Variants in FBXL7 observed in about 807,000 individuals in gnomAD.
The protein encoded by FBXL7 is F-box/LRR-repeat protein 7.
FBXL7 carries 12 observed loss-of-function variants against 38.3 expected under a neutral mutation model. The ratio of observed to expected loss-of-function variants is 0.31; its 90% CI spans 0.20 to 0.51. FBXL7 has a LOEUF of 0.51. Among genes scored for constraint, FBXL7 ranks in the 20% least tolerant of loss-of-function variants. FBXL7 has a pLI of 0.98. For missense variants in FBXL7, 567 were observed against 676.4 expected (o/e 0.84, Z 1.79); for synonymous variants, 297 against 300.9 (o/e 0.99, Z 0.13).
rs372922519 is a variant in FBXL7, at chr5:15,936,793, C to G, written c.1083C>G (p.Gly361=). Residue 361 remains glycine, a synonymous_variant, in exon 4 of 4, where the codon GGC becomes GGG. Transcript: ENST00000504595. This position sits in a 1 kb window ranked among gnomAD's most constrained non-coding sequence, Gnocchi z 6.0. ...RLRYLSIAHC[G]RVTDVGIRYV... Reference sequence around the variant, plus strand: ...GGTACCTGAGCATCGCGCACTGCGGCCGGGTCACCGACGTGGGCATCCGCT... The same window carrying G: ...GGTACCTGAGCATCGCGCACTGCGGGCGGGTCACCGACGTGGGCATCCGCT... The G allele has an allele frequency of 6.2e-7, 1 of 1,612,226 alleles. No homozygotes were observed. Among genetic ancestry groups the G allele is most frequent in the Non-Finnish European group, 8.5e-7 (1 of 1,179,470 alleles).
At chr5:15,812,041 T>G (rs959369453) in intron 2 of FBXL7, among the ~76,000 whole-genome samples, 3 of 152,180 alleles carry the variant, frequency 2.0e-5, no homozygotes, top group African/African-American at 7.2e-5. Context: ...TGCACACATA[T>G]GTTTATTGCA....
intron 1 of FBXL7, among the ~76,000 whole-genome samples, chr5:15,592,427 C>CAT (rs1739507739): frequency 6.6e-6 from 1 of 152,086 alleles, no homozygotes; most frequent in Non-Finnish European, 1.5e-5. Flanking sequence ...GAGCTTAGCC[C>CAT]ATAAGCTCAT....
intron 1 of FBXL7, among the ~76,000 whole-genome samples, chr5:15,615,060 T>C (rs1270522318): frequency 6.6e-6 from 1 of 152,192 alleles, no homozygotes; most frequent in Non-Finnish European, 1.5e-5. Context: ...ATGGATACCA[T>C]GAGGGCGTCT....
At chr5:15,556,732 T>C (rs1416573124) in intron 1 of FBXL7, among the ~76,000 whole-genome samples, 2 of 152,212 alleles carry the variant, frequency 1.3e-5, no homozygotes, top group Non-Finnish European at 2.9e-5. Flanking sequence ...TGCCAATCTC[T>C]CAATAAATCA....
chr5:15,778,871 C>A (rs1358729039), intron 2 of FBXL7, among the ~76,000 whole-genome samples: 1 of 152,072 alleles, frequency 6.6e-6, no homozygotes, highest in Admixed American at 6.6e-5. Context: ...AAAGGATAAT[C>A]TTGCTAGGGA....
At chr5:15,900,297 C>T (rs1358728583) in intron 2 of FBXL7, among the ~76,000 whole-genome samples, 1 of 152,124 alleles carries the variant, frequency 6.6e-6, no homozygotes. Flanking sequence ...CACCACATTC[C>T]TCAATACTAA....
In FBXL7 at chr5:15,657,297, AACTTTAGTAGGCTGTTTGCCCT is replaced by A. The variant is rs546993090; in HGVS notation, c.127+41252_127+41273del. On this transcript the variant is annotated intron_variant, in intron 2 of 3. Transcript: ENST00000504595. ...AAAATGTTGCCCTACTTTAGTAGGC[AACTTTAGTAGGCTGTTTGCCCT>A]ACTTTAGTAGGCTGTTTGCCCTACT... Among the ~76,000 whole-genome samples the A allele has an allele frequency of 5.1e-3, 771 of 152,286 alleles. 4 individuals carry two copies. Among genetic ancestry groups the A allele is most frequent in the African/African-American group, 0.017 (695 of 41,566 alleles).
intron 2 of FBXL7, among the ~76,000 whole-genome samples, chr5:15,784,321 T>C (rs949989789): frequency 1.3e-5 from 2 of 152,148 alleles, no homozygotes; most frequent in African/African-American, 4.8e-5. Context: ...GTTAAATATA[T>C]GCTGTTAGGT....
intron 1 of FBXL7, among the ~76,000 whole-genome samples, chr5:15,551,252 G>A (rs1379918985): frequency 1.3e-5 from 2 of 152,172 alleles, no homozygotes; most frequent in African/African-American, 2.4e-5. Context: ...TTCTCAGAAC[G>A]TGTACTTGAC....
intron 2 of FBXL7, among the ~76,000 whole-genome samples, chr5:15,866,620 G>A (rs749443365): frequency 2.0e-5 from 3 of 151,958 alleles, no homozygotes; most frequent in Non-Finnish European, 4.4e-5. Context: ...TGCCATGGTG[G>A]TTTGCCGCAC....
intron 1 of FBXL7, among the ~76,000 whole-genome samples, chr5:15,600,867 G>A (rs1190015798): frequency 6.6e-6 from 1 of 152,150 alleles, no homozygotes; most frequent in African/African-American, 2.4e-5. Context: ...AAGGCACAAA[G>A]GTCTGTAACT....
chr5:15,585,479 T>C (rs1739273356), intron 1 of FBXL7, among the ~76,000 whole-genome samples: 1 of 152,232 alleles, frequency 6.6e-6, no homozygotes, highest in Non-Finnish European at 1.5e-5. Context: ...CCGTTCAAAA[T>C]TAAAAGTTAA....
intron 2 of FBXL7, among the ~76,000 whole-genome samples, chr5:15,622,005 G>T (rs1209342033): frequency 1.3e-5 from 2 of 152,124 alleles, no homozygotes; most frequent in East Asian, 1.9e-4. Flanking sequence ...AACAGTTATT[G>T]TCAAGGAACA....
intron 1 of FBXL7, among the ~76,000 whole-genome samples, chr5:15,524,498 T>C (rs1382154375): frequency 6.6e-6 from 1 of 152,220 alleles, no homozygotes; most frequent in African/African-American, 2.4e-5. Context: ...ATTGCATATC[T>C]GTGTGTGTAA....
chr5:15,776,063 G>T (rs1194270415), intron 2 of FBXL7, among the ~76,000 whole-genome samples: 1 of 151,900 alleles, frequency 6.6e-6, no homozygotes, highest in African/African-American at 2.4e-5. Flanking sequence ...CCAAAGTTTT[G>T]TTCTTATTTT....
intron 1 of FBXL7, among the ~76,000 whole-genome samples, chr5:15,505,777 G>A (rs1221448000): frequency 6.6e-6 from 1 of 152,116 alleles, no homozygotes; most frequent in Admixed American, 6.5e-5. Flanking sequence ...GAGGATCCAG[G>A]TAGCATGCTG....
At chr5:15,802,535 C>T (rs922586342) in intron 2 of FBXL7, among the ~76,000 whole-genome samples, 31 of 152,152 alleles carry the variant, frequency 2.0e-4, no homozygotes, top group African/African-American at 7.0e-4. Context: ...TTCTTGAACA[C>T]TTTTTCTCCT....
intron 2 of FBXL7, among the ~76,000 whole-genome samples, chr5:15,689,778 A>G (rs1451805242): frequency 1.3e-5 from 2 of 152,220 alleles, no homozygotes; most frequent in East Asian, 3.9e-4. Flanking sequence ...GAAACTGTCT[A>G]AAAGAACTTA....
chr5:15,882,360 G>T (rs1174686237), intron 2 of FBXL7, among the ~76,000 whole-genome samples: 1 of 152,188 alleles, frequency 6.6e-6, no homozygotes, highest in Non-Finnish European at 1.5e-5. Context: ...GAGCTGCTGG[G>T]CTCAGTGACT....
Sources: gnomAD v4.1 joint callset for allele counts (sites outside exome capture counted in the v4.1 genomes callset) on GRCh38, gnomAD v4.1.1 for gene constraint, Gnocchi (gnomAD v3.1) non-coding constraint, MANE v1.5 for transcripts, NCBI Gene and HGNC (gene_info 2026-07-23, HGNC 2026-07-21) for gene names.